Variants in GRID2 observed in about 807,000 individuals in gnomAD.
GRID2 encodes the protein glutamate ionotropic receptor delta type subunit 2.
A neutral mutation model predicts 114.8 loss-of-function variants in GRID2; 33 were observed. The observed-to-expected ratio is 0.29, with a 90% CI of 0.22 to 0.38. The LOEUF (loss-of-function observed/expected upper bound fraction) is 0.38, where lower values mean the gene tolerates loss of function less well. Ranked by LOEUF, GRID2 falls within the 10% of genes least tolerant of loss-of-function variation. The pLI is 1.00. For synonymous variants in GRID2, 505 were observed against 449.9 expected (o/e 1.12, Z -1.55); for missense variants, 1,184 against 1,257.7 (o/e 0.94, Z 0.89).
chr4:93,600,170 T>A (rs1283314121), intron 13 of GRID2, among the ~76,000 whole-genome samples: 2 of 152,124 alleles, frequency 1.3e-5, no homozygotes, highest in African/African-American at 4.8e-5. Context: ...TAAAACTATG[T>A]CTCAGTACAA....
At chr4:92,315,944 T>C (rs1725946107) in intron 1 of GRID2, among the ~76,000 whole-genome samples, 2 of 126,002 alleles carry the variant, frequency 1.6e-5, no homozygotes, top group Admixed American at 2.1e-4. Context: ...CACTCCAGCC[T>C]GGGCAACAAG....
chr4:93,674,948 A>G (rs1239781477), intron 14 of GRID2, among the ~76,000 whole-genome samples: 1 of 152,146 alleles, frequency 6.6e-6, no homozygotes, highest in Non-Finnish European at 1.5e-5. Context: ...GTATATTTCT[A>G]TCAATTTATC....
At chr4:92,577,847 T>C (rs1297529696) in intron 1 of GRID2, among the ~76,000 whole-genome samples, 1 of 151,990 alleles carries the variant, frequency 6.6e-6, no homozygotes, top group Non-Finnish European at 1.5e-5. Flanking sequence ...GGAAAAACAA[T>C]ATAAAGAAAA....
Position 93,609,284 on chromosome 4 carries a change from T to C in GRID2, c.2194-16985T>C, listed in dbSNP as rs1391629552. On this transcript the variant is annotated intron_variant, in intron 13 of 15. Coordinates refer to ENST00000282020, the MANE Select transcript of GRID2 (RefSeq NM_001510.4). The stretch of plus-strand genomic sequence containing the variant: ...GGTTGCCTGTTCACTCTGATGGTAG[T>C]TTCTTTTGTTGTGCAGAAGCTCTTT... Among the ~76,000 whole-genome samples the C allele has an allele frequency of 3.7e-5, 3 of 81,626 alleles. 1 individual carries two copies. The highest frequency in any genetic ancestry group is 8.4e-5 in the Non-Finnish European group (3 of 35,518). The allele number at this position is 81,626 out of a possible 152,430, so 53.5% of individuals were successfully genotyped here.
Position 92,652,822 on chromosome 4 carries a change from T to TAA in GRID2, c.244+62538_244+62539dup, listed in dbSNP as rs1384187650. Among the ~76,000 whole-genome samples the TAA allele has an allele frequency of 3.6e-5, 5 of 137,170 alleles. 1 individual carries two copies. The highest frequency in any genetic ancestry group is 1.3e-4 in the African/African-American group (5 of 37,520). 90.0% of individuals were successfully genotyped at this position (137,170 alleles called of 152,430 possible). On this transcript the variant is annotated intron_variant, in intron 2 of 15. Coordinates refer to ENST00000282020, the MANE Select transcript of GRID2 (RefSeq NM_001510.4). Reference sequence around the variant, plus strand: ...GAAAAAAAAAATATATATATATATATAAATATATATAAATTTATAAATATA... The same window carrying TAA: ...GAAAAAAAAAATATATATATATATATAAAAATATATATAAATTTATAAATATA...
At position 92,748,344 on chromosome 4, in the gene GRID2, G is replaced by T. The variant is rs139808381; in HGVS notation, c.244+158058G>T. On this transcript the variant is annotated intron_variant, in intron 2 of 15. Coordinates refer to ENST00000282020, the MANE Select transcript of GRID2 (RefSeq NM_001510.4). The stretch of plus-strand genomic sequence containing the variant: ...AAAAAGAAAATTCAGATTCAGGTTT[G>T]ACATGGAGGACCAGCGACACCACCA... Among the ~76,000 whole-genome samples the T allele has an allele frequency of 1.8e-4, 27 of 152,250 alleles. No individual in the cohort carries two copies. The East Asian group carries it at 5.0e-3, about 28-fold the overall frequency.
chr4:92,506,847 T>C (rs1349346445), intron 1 of GRID2, among the ~76,000 whole-genome samples: 2 of 151,928 alleles, frequency 1.3e-5, no homozygotes, highest in African/African-American at 2.4e-5. Flanking sequence ...AACAAAAAGG[T>C]AGCAATTGGC....
intron 2 of GRID2, among the ~76,000 whole-genome samples, chr4:92,771,692 A>G (rs1206094650): frequency 6.6e-6 from 1 of 152,212 alleles, no homozygotes; most frequent in Non-Finnish European, 1.5e-5. Flanking sequence ...ATTAGTTTAA[A>G]CAGAAAAATA....
intron 2 of GRID2, among the ~76,000 whole-genome samples, chr4:92,941,558 C>G (rs552870907): frequency 9.5e-4 from 145 of 152,168 alleles, no homozygotes; most frequent in African/African-American, 3.4e-3. Context: ...TTATTTGTGT[C>G]TCTATTTCCT....
At chr4:93,514,808 C>G (rs1263294731) in intron 12 of GRID2, among the ~76,000 whole-genome samples, 1 of 152,062 alleles carries the variant, frequency 6.6e-6, no homozygotes, top group Non-Finnish European at 1.5e-5. Flanking sequence ...TACAAATAAG[C>G]CTTGCTACGT....
chr4:92,717,148 A>G (rs1456439596), intron 2 of GRID2, among the ~76,000 whole-genome samples: 3 of 152,190 alleles, frequency 2.0e-5, no homozygotes, highest in African/African-American at 4.8e-5. Context: ...AGGCAGAGGC[A>G]GAACAACAAC....
At chr4:93,191,371 C>T (rs1263049802) in intron 4 of GRID2, among the ~76,000 whole-genome samples, 1 of 152,088 alleles carries the variant, frequency 6.6e-6, no homozygotes, top group African/African-American at 2.4e-5. Context: ...TCTTTGCTCA[C>T]ATACCTAACT....
intron 2 of GRID2, among the ~76,000 whole-genome samples, chr4:92,913,735 T>G (rs1748564422): frequency 1.3e-5 from 2 of 151,858 alleles, no homozygotes; most frequent in African/African-American, 4.8e-5. Context: ...AGAGAGAAAA[T>G]TGTCTGTATG....
rs142466997 is a variant in GRID2, at chr4:93,027,332, A to G, written c.245-57663A>G. ...TTTTTCACACTTTATTACTAACTTC[A>G]ACATTCTCAAAGGAAGCATTGAAGA... On this transcript the variant is annotated intron_variant, in intron 2 of 15. Coordinates refer to ENST00000282020, the MANE Select transcript of GRID2 (RefSeq NM_001510.4). 3.5e-3 allele frequency among the ~76,000 whole-genome samples: 527 copies of G among 152,226 alleles called. 2 individuals are homozygous for G. Among genetic ancestry groups the G allele is most frequent in the African/African-American group, 0.012 (490 of 41,574 alleles).
chr4:92,911,666 T>C (rs1008833622), intron 2 of GRID2, among the ~76,000 whole-genome samples: 1 of 151,934 alleles, frequency 6.6e-6, no homozygotes, highest in Non-Finnish European at 1.5e-5. Flanking sequence ...ATATGTTCCA[T>C]CTGTGGTTTT....
chr4:92,528,532 G>A (rs1301891372), intron 1 of GRID2, among the ~76,000 whole-genome samples: 1 of 151,826 alleles, frequency 6.6e-6, no homozygotes, highest in Non-Finnish European at 1.5e-5. Context: ...ATTTAGATGG[G>A]ATTTATTTTT....
intron 1 of GRID2, among the ~76,000 whole-genome samples, chr4:92,467,339 C>T (rs763427812): frequency 6.6e-6 from 1 of 151,756 alleles, no homozygotes; most frequent in Non-Finnish European, 1.5e-5. Flanking sequence ...TGTTTATAAA[C>T]ACGTTATAAT....
intron 10 of GRID2, among the ~76,000 whole-genome samples, chr4:93,438,419 G>T (rs1461149186): frequency 6.6e-6 from 1 of 152,044 alleles, no homozygotes; most frequent in Non-Finnish European, 1.5e-5. Flanking sequence ...ATAAAAGCAT[G>T]TTTGCCTTGA....
At chr4:93,022,385 C>T (rs1334869259) in intron 2 of GRID2, among the ~76,000 whole-genome samples, 1 of 151,680 alleles carries the variant, frequency 6.6e-6, no homozygotes, top group Non-Finnish European at 1.5e-5. Flanking sequence ...CATTCTAATT[C>T]GTTGTGTGGA....
Sources: gnomAD v4.1 joint callset for allele counts (sites outside exome capture counted in the v4.1 genomes callset) on GRCh38, gnomAD v4.1.1 for gene constraint, MANE v1.5 for transcripts, NCBI Gene and HGNC (gene_info 2026-07-23, HGNC 2026-07-21) for gene names.